MACROD2: variants seen among roughly 807,000 people sequenced by gnomAD.
The protein encoded by MACROD2 is ADP-ribose glycohydrolase MACROD2.
Under a neutral mutation model 70.4 loss-of-function variants are expected in MACROD2, and 36 were observed. The observed-to-expected ratio is 0.51, with a 90% confidence interval of 0.39 to 0.68. The LOEUF is 0.68. Among genes scored for constraint, MACROD2 ranks in the 30% least tolerant of loss-of-function variants. The pLI, the probability that MACROD2 is intolerant of heterozygous loss-of-function variation, is 0.00. For synonymous variants in MACROD2, 172 were observed against 178.8 expected (o/e 0.96, Z 0.30); for missense variants, 496 against 538.4 (o/e 0.92, Z 0.78).
At chr20:15,641,793 T>C (rs1382694869) in intron 8 of MACROD2, among the ~76,000 whole-genome samples, 1 of 152,170 alleles carries the variant, frequency 6.6e-6, no homozygotes, top group Non-Finnish European at 1.5e-5. Flanking sequence ...GCAAGGGAGA[T>C]TTTTCTTTGT....
At chr20:15,317,374 C>T (rs2146163147) in intron 6 of MACROD2, among the ~76,000 whole-genome samples, 1 of 151,962 alleles carries the variant, frequency 6.6e-6, no homozygotes, top group African/African-American at 2.4e-5. Flanking sequence ...ATTGACAAGT[C>T]TCTAGAAACA....
chr20:15,727,916 G>A (rs1400288243), intron 8 of MACROD2, among the ~76,000 whole-genome samples: 3 of 151,984 alleles, frequency 2.0e-5, no homozygotes, highest in African/African-American at 7.2e-5. Flanking sequence ...ATGCACTTTT[G>A]TTTCTTTCTC....
intron 5 of MACROD2, among the ~76,000 whole-genome samples, chr20:14,718,848 AT>A (rs1177754259): frequency 6.6e-6 from 1 of 152,190 alleles, no homozygotes; most frequent in African/African-American, 2.4e-5. Flanking sequence ...AGATTTATTC[AT>A]TGTTCCTGTG....
intron 5 of MACROD2, among the ~76,000 whole-genome samples, chr20:14,993,771 T>G (rs1277898521): frequency 6.6e-6 from 1 of 152,236 alleles, no homozygotes; most frequent in Admixed American, 6.5e-5. Flanking sequence ...ATGTATTATT[T>G]GTAAAGGTTG....
At chr20:14,895,746 T>A (rs1325409354) in intron 5 of MACROD2, among the ~76,000 whole-genome samples, 1 of 152,142 alleles carries the variant, frequency 6.6e-6, no homozygotes, top group Non-Finnish European at 1.5e-5. Context: ...AATATTATCA[T>A]CCATTAAATG....
chr20:14,043,947 A>T (rs531592927), intron 2 of MACROD2, among the ~76,000 whole-genome samples: 1 of 152,358 alleles, frequency 6.6e-6, no homozygotes, highest in South Asian at 2.1e-4. Context: ...TAAAGCCAGG[A>T]TTCTTCACGA....
intron 3 of MACROD2, among the ~76,000 whole-genome samples, chr20:14,336,002 A>T (rs557998353): frequency 1.3e-5 from 2 of 152,262 alleles, no homozygotes; most frequent in South Asian, 4.1e-4. Flanking sequence ...CTTTTAAAGG[A>T]TTAATTTTTC....
intron 5 of MACROD2, among the ~76,000 whole-genome samples, chr20:14,867,751 C>T (rs1372612243): frequency 6.6e-6 from 1 of 152,126 alleles, no homozygotes; most frequent in East Asian, 1.9e-4. Context: ...ATGGCTTAAG[C>T]CTCCACACAG....
chr20:15,565,823 A>G (rs941083298), intron 8 of MACROD2, among the ~76,000 whole-genome samples: 1 of 152,244 alleles, frequency 6.6e-6, no homozygotes, highest in East Asian at 1.9e-4. Flanking sequence ...ACCCTCCTAC[A>G]GGCATGAGCC....
intron 10 of MACROD2, 115 bp from the exon 11 acceptor site, chr20:15,933,161 A>T: frequency 3.2e-6 from 3 of 930,904 alleles, no homozygotes; most frequent in East Asian, 2.7e-5. Flanking sequence ...GCCTGGCTTT[A>T]TGGGGAGTCA....
chr20:15,509,370 G>A (rs2047469729), intron 8 of MACROD2, among the ~76,000 whole-genome samples: 2 of 152,182 alleles, frequency 1.3e-5, no homozygotes, highest in Non-Finnish European at 2.9e-5. Context: ...CTAAGAAATA[G>A]CATGAGACAG....
In MACROD2 at chr20:14,663,747, TG is replaced by T. The variant is rs1207591531; in HGVS notation, c.302-21095del. 3.3e-5 allele frequency among the ~76,000 whole-genome samples: 5 copies of T among 152,226 alleles called. No homozygotes were observed. In the East Asian group the frequency reaches 9.6e-4, roughly 29 times the overall value. Reference sequence around the variant, plus strand: ...AATTATGTAAAGGGATCATACCATATGTAGTTACGCATTAATTGTCACAATG... The same window carrying T: ...AATTATGTAAAGGGATCATACCATATTAGTTACGCATTAATTGTCACAATG... On this transcript the variant is annotated intron_variant, in intron 4 of 17. Transcript: ENST00000684519.
chr20:15,778,394 T>C (rs2051768495), intron 8 of MACROD2, among the ~76,000 whole-genome samples: 1 of 152,122 alleles, frequency 6.6e-6, no homozygotes, highest in Non-Finnish European at 1.5e-5. Context: ...TCTATATTAC[T>C]CTGAGCTCTA....
chr20:15,052,048 G>C (rs908811963), intron 5 of MACROD2, among the ~76,000 whole-genome samples: 26 of 152,122 alleles, frequency 1.7e-4, no homozygotes, highest in African/African-American at 6.3e-4. Flanking sequence ...ACTGCGCCCG[G>C]CCGGCCTATA....
chr20:14,234,509 A>G (rs1477065986), intron 3 of MACROD2, among the ~76,000 whole-genome samples: 1 of 152,208 alleles, frequency 6.6e-6, no homozygotes, highest in African/African-American at 2.4e-5. Context: ...ATTAGAAATG[A>G]TCTTACATTA....
At chr20:14,216,920 G>C (rs2081627910) in intron 3 of MACROD2, among the ~76,000 whole-genome samples, 2 of 152,018 alleles carry the variant, frequency 1.3e-5, no homozygotes, top group Non-Finnish European at 2.9e-5. Context: ...GGAGTCCTTA[G>C]GGTTTTCAAG....
chr20:15,135,034 T>A (rs2076135855), intron 5 of MACROD2, among the ~76,000 whole-genome samples: 1 of 152,160 alleles, frequency 6.6e-6, no homozygotes, highest in East Asian at 1.9e-4. Context: ...AATCTCTGAA[T>A]AGACCAATAA....
chr20:15,722,751 A>G (rs886233891), intron 8 of MACROD2, among the ~76,000 whole-genome samples: 12 of 152,238 alleles, frequency 7.9e-5, no homozygotes, highest in Admixed American at 3.3e-4. Flanking sequence ...GACATAATCC[A>G]TCTTTCTCTT....
chr20:15,585,200 T>C (rs2146655154), intron 8 of MACROD2, among the ~76,000 whole-genome samples: 1 of 139,932 alleles, frequency 7.1e-6, no homozygotes, highest in East Asian at 1.9e-4. Flanking sequence ...CTTCTTTTTT[T>C]TCTTTTTTTT....
Sources: gnomAD v4.1 joint callset for allele counts (sites outside exome capture counted in the v4.1 genomes callset) on GRCh38, gnomAD v4.1.1 for gene constraint, MANE v1.5 for transcripts, NCBI Gene and HGNC (gene_info 2026-07-23, HGNC 2026-07-21) for gene names.